The following FREM1 variants were observed in gnomAD, a reference collection of about 807,000 sequenced individuals.
FREM1 encodes FRAS1 related extracellular matrix 1.
FREM1 carries 220 observed loss-of-function variants against 210.1 expected under a neutral mutation model. The observed-to-expected ratio is 1.05, with a 90% CI of 0.94 to 1.17. The LOEUF is 1.17. FREM1 is among the 50% of genes most tolerant of loss of function. FREM1 has a pLI of 0.00. For missense variants in FREM1, 3,454 were observed against 2,675.5 expected (o/e 1.29, Z -6.42); for synonymous variants, 1,189 against 980.2 (o/e 1.21, Z -3.98).
At chr9:14,769,241 A>C (rs1434654566) in intron 27 of FREM1, among the ~76,000 whole-genome samples, 1 of 152,214 alleles carries the variant, frequency 6.6e-6, no homozygotes, top group Non-Finnish European at 1.5e-5. Context: ...ATCACCTTAT[A>C]AACATACTGT....
At chr9:14,760,448 C>T (rs761525970) in intron 27 of FREM1, among the ~76,000 whole-genome samples, 49 of 152,122 alleles carry the variant, frequency 3.2e-4, no homozygotes, top group Non-Finnish European at 5.9e-4. Flanking sequence ...ATTTGTTTCT[C>T]TTTCTGTGCA....
At chr9:14,879,306 ACTGAG>A (rs1446900824) in intron 1 of FREM1, among the ~76,000 whole-genome samples, 2 of 105,256 alleles carry the variant, frequency 1.9e-5, no homozygotes, top group Admixed American at 9.0e-5. Context: ...TGCCCATAAC[ACTGAG>A]GTTGAGGAGG....
chr9:14,787,685 T>C (rs536390587), intron 23 of FREM1, among the ~76,000 whole-genome samples: 48 of 152,302 alleles, frequency 3.2e-4, no homozygotes, highest in Middle Eastern at 3.4e-3. Context: ...TAGATGACTA[T>C]GTGGAACAGA....
At chr9:14,894,829 G>A (rs1032706085) in intron 1 of FREM1, among the ~76,000 whole-genome samples, 5 of 152,190 alleles carry the variant, frequency 3.3e-5, no homozygotes, top group Non-Finnish European at 7.3e-5. Flanking sequence ...TTGCATAAGT[G>A]CAATAAGAAT....
chr9:14,755,704 A>G (rs140949162), intron 29 of FREM1, among the ~76,000 whole-genome samples: 2,344 of 152,272 alleles, frequency 0.015, 37 homozygotes, highest in Non-Finnish European at 0.023. Context: ...AAATGCTAAA[A>G]TACTGCCTCC....
rs139688064 is a variant in FREM1 at position 14,856,901 on chromosome 9, A to G, written c.828+652T>C. On this transcript the variant is annotated intron_variant, in intron 5 of 36. Transcript: ENST00000380880. Reference sequence around the variant, plus strand: ...TGCAGTTTCCCCGGTTTCCCCAATAAACAAATTATAGAGTTCATGAATCAG... The same window carrying G: ...TGCAGTTTCCCCGGTTTCCCCAATAGACAAATTATAGAGTTCATGAATCAG... Among the ~76,000 whole-genome samples, 82 of 152,316 alleles carry G rather than the reference A, an allele frequency of 5.4e-4. No homozygotes were observed. In the East Asian group the frequency reaches 0.013, roughly 24 times the overall value.
chr9:14,822,456 C>G (rs2642408), intron 13 of FREM1, among the ~76,000 whole-genome samples: 117,058 of 151,986 alleles, frequency 0.77, 45,731 homozygotes, highest in East Asian at 0.92. Context: ...TGTGTAGGCT[C>G]TGGTCCCTTC....
At chr9:14,808,788 T>C (rs1420475471) in intron 16 of FREM1, among the ~76,000 whole-genome samples, 4 of 152,176 alleles carry the variant, frequency 2.6e-5, no homozygotes, top group Non-Finnish European at 5.9e-5. Context: ...GTCCCCAGTT[T>C]AGACAGTGAC....
chr9:14,886,019 C>A (rs899642899), intron 1 of FREM1, among the ~76,000 whole-genome samples: 1 of 152,168 alleles, frequency 6.6e-6, no homozygotes, highest in African/African-American at 2.4e-5. Flanking sequence ...CCCCTGGTAA[C>A]CACCTTCTAC....
intron 1 of FREM1, among the ~76,000 whole-genome samples, chr9:14,909,264 C>T (rs1449031763): frequency 6.6e-6 from 1 of 152,062 alleles, no homozygotes; most frequent in African/African-American, 2.4e-5. Flanking sequence ...AAAATTGTTT[C>T]CTGGATTTCA....
intron 27 of FREM1, among the ~76,000 whole-genome samples, chr9:14,762,168 C>G (rs1360328458): frequency 6.6e-6 from 1 of 151,290 alleles, no homozygotes; most frequent in Non-Finnish European, 1.5e-5. Context: ...CAAAGAATCC[C>G]AAAAGGATCC....
chr9:14,835,986 C>T (rs767368812), intron 10 of FREM1, among the ~76,000 whole-genome samples: 19 of 152,136 alleles, frequency 1.2e-4, no homozygotes, highest in African/African-American at 1.2e-4. Flanking sequence ...AAAAAAGGGA[C>T]GGGTAACGTC....
At chr9:14,801,610 C>T in intron 20 of FREM1, 42 bp downstream of exon 20, 1 of 1,340,554 alleles carries the variant, frequency 7.5e-7, no homozygotes, top group Middle Eastern at 1.8e-4. Flanking sequence ...TTAAATTATT[C>T]AATCAACAAT....
At chr9:14,908,332 T>A (rs1401801640) in intron 1 of FREM1, among the ~76,000 whole-genome samples, 1 of 152,154 alleles carries the variant, frequency 6.6e-6, no homozygotes. Context: ...AAACTCAGCC[T>A]CGCCCAACCC....
In FREM1 at chr9:14,869,459, A is replaced by G. The variant is rs535310313; in HGVS notation, c.-267-215T>C. Among the ~76,000 whole-genome samples, 271 of 152,318 alleles carry G rather than the reference A, an allele frequency of 1.8e-3. 1 individual carries two copies. Among genetic ancestry groups the G allele is most frequent in the Admixed American group, 4.1e-3 (63 of 15,304 alleles). ...TATAGCTCCTGCTTCCGGACTTGAC[A>G]TACCGCTTCCGGACTTGACATATCC... On this transcript the variant is annotated intron_variant, in intron 1 of 36. Transcript: ENST00000380880.
intron 27 of FREM1, among the ~76,000 whole-genome samples, chr9:14,765,362 A>G (rs7874634): frequency 0.98 from 148,602 of 152,276 alleles, 72,598 homozygotes; most frequent in Middle Eastern, 1. Flanking sequence ...ACTGATTAGT[A>G]TGTGATTTAG....
rs904057280 is a variant in FREM1, at chr9:14,748,169, G to T, written c.5796+232C>A. 6.6e-5 allele frequency among the ~76,000 whole-genome samples: 10 copies of T among 152,218 alleles called. No individual in the cohort carries two copies. The East Asian group carries it at 1.7e-3, about 26-fold the overall frequency. On this transcript the variant is annotated intron_variant, in intron 31 of 36. Coordinates refer to ENST00000380880, the MANE Select transcript of FREM1 (RefSeq NM_001379081.2). ...CTTGGTCACAAAAGGAATCAAAGAAGAAATCATATGGATGAATCAGCATAT... is the reference window on the plus strand; with the variant it reads ...CTTGGTCACAAAAGGAATCAAAGAATAAATCATATGGATGAATCAGCATAT...
chr9:14,846,112 G>A (rs778682579), intron 7 of FREM1, 21 bp from the exon 8 acceptor site: 1 of 1,550,394 alleles, frequency 6.4e-7, no homozygotes, highest in East Asian at 2.4e-5. Context: ...AAGGAGAAAA[G>A]GGTGTTGGTA....
chr9:14,779,069 T>C (rs1340893017), intron 24 of FREM1, among the ~76,000 whole-genome samples: 1 of 152,184 alleles, frequency 6.6e-6, no homozygotes, highest in African/African-American at 2.4e-5. Flanking sequence ...TGTTTTTCTG[T>C]TACTTTTTCA....
Sources: gnomAD v4.1 joint callset for allele counts (sites outside exome capture counted in the v4.1 genomes callset) on GRCh38, gnomAD v4.1.1 for gene constraint, MANE v1.5 for transcripts, NCBI Gene and HGNC (gene_info 2026-07-23, HGNC 2026-07-21) for gene names.